NPAT: variants seen among roughly 807,000 people sequenced by gnomAD.
The protein encoded by NPAT is nuclear protein, coactivator of histone transcription, also known as protein NPAT.
NPAT carries 52 observed loss-of-function variants against 130.7 expected under a neutral mutation model. That is an observed-to-expected ratio of 0.40 (90% CI 0.32 to 0.50). The LOEUF (loss-of-function observed/expected upper bound fraction) is 0.50, where lower values mean the gene tolerates loss of function less well. NPAT is among the 20% of genes least tolerant of loss of function. NPAT has a pLI of 0.68. For missense variants in NPAT, 1,687 were observed against 1,662.6 expected (o/e 1.01, Z -0.26); for synonymous variants, 580 against 584.8 (o/e 0.99, Z 0.12).
In NPAT at chr11:108,158,847, G is replaced by A; in HGVS notation, c.*95C>T. On this transcript the variant is annotated 3_prime_UTR_variant, in exon 18 of 18. Transcript: ENST00000278612. Reference sequence around the variant, plus strand: ...AAGTTTCAGTACAATGAAAGTGCAGGTCATGCTTTCAGATTCTGTCAATAT... The same window carrying A: ...AAGTTTCAGTACAATGAAAGTGCAGATCATGCTTTCAGATTCTGTCAATAT... 1 of 761,200 alleles carries A rather than the reference G, an allele frequency of 1.3e-6. No individual in the cohort carries two copies. 47.2% of individuals were successfully genotyped at this position (761,200 alleles called of 1,614,324 possible).
chr11:108,197,087 A>G (rs1186433162), intron 2 of NPAT, among the ~76,000 whole-genome samples: 1 of 152,162 alleles, frequency 6.6e-6, no homozygotes, highest in African/African-American at 2.4e-5. Context: ...TTTGAAACTA[A>G]CTCTCGGAGT....
chr11:108,218,158 A>C (rs1429339050), intron 1 of NPAT, among the ~76,000 whole-genome samples: 1 of 152,190 alleles, frequency 6.6e-6, no homozygotes, highest in African/African-American at 2.4e-5. Context: ...GTGTAAACTT[A>C]CTGACAAAGG....
chr11:108,181,034 A>G (rs2078053501), intron 10 of NPAT, among the ~76,000 whole-genome samples: 1 of 152,232 alleles, frequency 6.6e-6, no homozygotes, highest in Non-Finnish European at 1.5e-5. Context: ...GGGGATAGGA[A>G]AAGGGGAAAT....
chr11:108,172,970 T>C lies in NPAT; in HGVS notation c.2014A>G (p.Ile672Val), dbSNP rs555159506. The part of the protein sequence containing the change: ...PSSSVKEENT[I>V]FLSLGGNANC... ...GCATTTCCACCTAAAGAGAGAAAAA[T>C]AGTATTCTCTTCTTTTACAGAAGAT... The change falls in exon 13 of 18, where the codon ATT becomes GTT. Residue 672 changes from isoleucine to valine, a missense_variant. Transcript: ENST00000278612. 64 of 1,614,088 alleles carry C rather than the reference T, an allele frequency of 4.0e-5. No individual in the cohort carries two copies. The highest frequency in any genetic ancestry group is 3.4e-4 in the South Asian group (31 of 91,084).
intron 1 of NPAT, 43 bp from the exon 2 acceptor site, chr11:108,197,463 T>C (rs765565291): frequency 2.4e-6 from 3 of 1,262,626 alleles, no homozygotes; most frequent in African/African-American, 1.5e-5. Context: ...CTAAATTCTG[T>C]ACTTTTGGTT....
chr11:108,222,275 G>C lies in NPAT; in HGVS notation c.37+225C>G, dbSNP rs4987878. On this transcript the variant is annotated intron_variant, in intron 1 of 17. Transcript: ENST00000278612. ...GGTGTTCCACCCCGAGCTTCCCCTC[G>C]GGCTTCCCCTCGCCACGCAGCCTCT... Among the ~76,000 whole-genome samples, 19 of 152,144 alleles carry C rather than the reference G, an allele frequency of 1.2e-4. No individual in the cohort carries two copies. In the East Asian group the frequency reaches 2.7e-3, roughly 22 times the overall value.
At chr11:108,178,854 G>C (rs2078033523) in intron 10 of NPAT, among the ~76,000 whole-genome samples, 1 of 151,974 alleles carries the variant, frequency 6.6e-6, no homozygotes, top group Non-Finnish European at 1.5e-5. Context: ...AGTTGAGTGA[G>C]ACTATCTCAA....
intron 4 of NPAT, 95 bp from the exon 5 acceptor site, chr11:108,190,595 G>A (rs1484179683): frequency 9.3e-7 from 1 of 1,080,090 alleles, no homozygotes; most frequent in Admixed American, 1.8e-5. Context: ...TTAGTTATGA[G>A]GTAAAAGGCA....
At chr11:108,199,368 A>C (rs2078253293) in intron 1 of NPAT, among the ~76,000 whole-genome samples, 3 of 152,220 alleles carry the variant, frequency 2.0e-5, no homozygotes, top group African/African-American at 7.2e-5. Context: ...TGCTGGGTCA[A>C]GTGGGCAGAG....
intron 15 of NPAT, 71 bp from the exon 16 acceptor site, chr11:108,162,251 T>G: frequency 7.2e-7 from 1 of 1,379,936 alleles, no homozygotes; most frequent in Non-Finnish European, 1.0e-6. Context: ...CAGATGACAA[T>G]TATCACATAT....
chr11:108,170,512 T>C (rs1339065997), intron 13 of NPAT, among the ~76,000 whole-genome samples: 1 of 151,898 alleles, frequency 6.6e-6, no homozygotes, highest in South Asian at 2.1e-4. Context: ...CTCAATGGTA[T>C]TGATCAAAAG....
chr11:108,213,939 G>T (rs1042648964), intron 1 of NPAT, among the ~76,000 whole-genome samples: 3 of 152,164 alleles, frequency 2.0e-5, no homozygotes, highest in Admixed American at 6.5e-5. Context: ...CCAGGCTGAA[G>T]TAGAGTGGCT....
intron 15 of NPAT, among the ~76,000 whole-genome samples, chr11:108,164,617 A>T (rs76075019): frequency 0.024 from 3,618 of 152,348 alleles, 108 homozygotes; most frequent in African/African-American, 0.075. Flanking sequence ...TTTGAGACAC[A>T]TCACTGGCCT....
intron 1 of NPAT, among the ~76,000 whole-genome samples, chr11:108,209,388 A>G (rs971232104): frequency 1.3e-5 from 2 of 152,186 alleles, no homozygotes; most frequent in African/African-American, 4.8e-5. Flanking sequence ...GGAGAGTACC[A>G]TGAGGTGAGG....
At chr11:108,185,100 A>T in intron 10 of NPAT, 132 bp downstream of exon 10, 2 of 726,786 alleles carry the variant, frequency 2.8e-6, no homozygotes, top group Middle Eastern at 2.3e-4. Context: ...ACTATTGTAA[A>T]TCATTTTATC....
chr11:108,220,789 T>G (rs2078479240), intron 1 of NPAT, among the ~76,000 whole-genome samples: 1 of 152,164 alleles, frequency 6.6e-6, no homozygotes, highest in Admixed American at 6.6e-5. Flanking sequence ...TATCTCAACT[T>G]TCAGACTAAA....
At chr11:108,168,113 A>C (rs1368769038) in intron 15 of NPAT, among the ~76,000 whole-genome samples, 4 of 152,120 alleles carry the variant, frequency 2.6e-5, no homozygotes, top group Admixed American at 1.3e-4. Context: ...TAGAAGTATA[A>C]ATTTTCTTCT....
chr11:108,184,350 T>C (rs1248795948), intron 10 of NPAT, among the ~76,000 whole-genome samples: 1 of 151,630 alleles, frequency 6.6e-6, no homozygotes, highest in African/African-American at 2.4e-5. Flanking sequence ...TGGGCGCCTG[T>C]AGTCCCAGCT....
intron 1 of NPAT, among the ~76,000 whole-genome samples, chr11:108,211,853 G>A (rs2078386510): frequency 6.6e-6 from 1 of 152,116 alleles, no homozygotes. Flanking sequence ...GGGAGGGTGA[G>A]GTAGAAGGAT....
Sources: gnomAD v4.1 joint callset for allele counts (sites outside exome capture counted in the v4.1 genomes callset) on GRCh38, gnomAD v4.1.1 for gene constraint, MANE v1.5 for transcripts, NCBI Gene and HGNC (gene_info 2026-07-23, HGNC 2026-07-21) for gene names.